Variants in MDGA2 observed in about 807,000 individuals in gnomAD.
MDGA2 encodes MAM domain-containing glycosylphosphatidylinositol anchor protein 2.
MDGA2 carries 40 observed loss-of-function variants against 117.8 expected under a neutral mutation model. The observed-to-expected ratio is 0.34, with a 90% CI of 0.26 to 0.44. The LOEUF (loss-of-function observed/expected upper bound fraction) is 0.44. Ranked by LOEUF, MDGA2 falls within the 20% of genes least tolerant of loss-of-function variation. The pLI is 1.00. For synonymous variants in MDGA2, 452 were observed against 439.0 expected (o/e 1.03, Z -0.37); for missense variants, 1,123 against 1,250.6 (o/e 0.90, Z 1.54).
chr14:47,207,135 T>C (rs1159661203), intron 3 of MDGA2, among the ~76,000 whole-genome samples: 1 of 151,956 alleles, frequency 6.6e-6, no homozygotes, highest in Non-Finnish European at 1.5e-5. Context: ...TGACATAAGG[T>C]GACCTCTACT....
chr14:47,441,730 T>C (rs1248783908), intron 1 of MDGA2, among the ~76,000 whole-genome samples: 1 of 152,106 alleles, frequency 6.6e-6, no homozygotes, highest in Non-Finnish European at 1.5e-5. Flanking sequence ...GTAGATAAAC[T>C]ACAGAAGTTA....
chr14:47,217,045 C>T (rs1886117451), intron 3 of MDGA2, among the ~76,000 whole-genome samples: 1 of 151,998 alleles, frequency 6.6e-6, no homozygotes, highest in Admixed American at 6.6e-5. Context: ...CTTTATCACC[C>T]ACTTCTCAGT....
intron 2 of MDGA2, among the ~76,000 whole-genome samples, chr14:47,297,192 A>C (rs2139797177): frequency 6.6e-6 from 1 of 152,246 alleles, no homozygotes; most frequent in Middle Eastern, 3.4e-3. Flanking sequence ...ACATGAACAT[A>C]AATAATTACA....
At chr14:47,258,176 T>G (rs1887683833) in intron 2 of MDGA2, among the ~76,000 whole-genome samples, 1 of 152,168 alleles carries the variant, frequency 6.6e-6, no homozygotes, top group African/African-American at 2.4e-5. Flanking sequence ...GAAAATCATT[T>G]ACTAATTATG....
At chr14:47,480,943 T>G (rs1225735107) in intron 1 of MDGA2, among the ~76,000 whole-genome samples, 1 of 151,950 alleles carries the variant, frequency 6.6e-6, no homozygotes, top group African/African-American at 2.4e-5. Context: ...ACCTTGCTAT[T>G]ATAATGGTAA....
At chr14:47,368,034 C>A (rs957340720) in intron 1 of MDGA2, among the ~76,000 whole-genome samples, 9 of 151,944 alleles carry the variant, frequency 5.9e-5, no homozygotes, top group Non-Finnish European at 1.3e-4. Context: ...AATCCCAGCA[C>A]TTTGGGAGGC....
At chr14:47,618,669 G>A (rs1041486352) in intron 1 of MDGA2, among the ~76,000 whole-genome samples, 5 of 151,942 alleles carry the variant, frequency 3.3e-5, no homozygotes, top group African/African-American at 1.2e-4. Context: ...TTTCTACAAT[G>A]TCTATTCTAG....
At chr14:47,173,167 G>C (rs1217732618) in intron 3 of MDGA2, among the ~76,000 whole-genome samples, 1 of 152,186 alleles carries the variant, frequency 6.6e-6, no homozygotes, top group Admixed American at 6.5e-5. Context: ...CCAAATCTAC[G>C]TCTGATTGGT....
At chr14:47,326,305 T>C (rs987177734) in intron 1 of MDGA2, among the ~76,000 whole-genome samples, 2 of 152,112 alleles carry the variant, frequency 1.3e-5, no homozygotes, top group Admixed American at 6.6e-5. Flanking sequence ...TCTATGCACT[T>C]TACTCATACC....
intron 6 of MDGA2, among the ~76,000 whole-genome samples, chr14:47,063,572 A>G (rs1374095878): frequency 6.6e-6 from 1 of 152,018 alleles, no homozygotes; most frequent in Non-Finnish European, 1.5e-5. Context: ...AAATCATATG[A>G]GTATAAAATA....
intron 7 of MDGA2, among the ~76,000 whole-genome samples, chr14:47,040,392 A>G (rs549572999): frequency 6.6e-6 from 1 of 152,290 alleles, no homozygotes; most frequent in African/African-American, 2.4e-5. Flanking sequence ...GCATAATAAC[A>G]TATTACAGGG....
intron 1 of MDGA2, among the ~76,000 whole-genome samples, chr14:47,570,676 A>G (rs955436205): frequency 2.6e-5 from 4 of 152,178 alleles, no homozygotes; most frequent in Admixed American, 1.3e-4. Context: ...TATTTAATAA[A>G]TGGTGTTGGG....
In MDGA2 at chr14:47,137,186, G is replaced by A. The variant is rs930642872; in HGVS notation, c.793-5340C>T. On this transcript the variant is annotated intron_variant, in intron 4 of 16. Transcript: ENST00000399232. The stretch of plus-strand genomic sequence containing the variant: ...ATTACAAAAGAGAATTTGTGCTACT[G>A]TTTGAGATGATTTCTATTCTTTAAA... 2.1e-4 allele frequency among the ~76,000 whole-genome samples: 32 copies of A among 152,280 alleles called. No individual in the cohort carries two copies. In the South Asian group the frequency reaches 6.0e-3, roughly 29 times the overall value.
At chr14:46,968,411 C>T (rs576673434) in intron 8 of MDGA2, among the ~76,000 whole-genome samples, 13 of 151,836 alleles carry the variant, frequency 8.6e-5, no homozygotes, top group Non-Finnish European at 1.6e-4. Context: ...ACTGGATGTC[C>T]GAGGCAGAGC....
intron 8 of MDGA2, among the ~76,000 whole-genome samples, chr14:46,964,919 CT>C (rs746778179): frequency 0.018 from 1,576 of 89,758 alleles, 7 homozygotes; most frequent in Middle Eastern, 0.052. Context: ...TATATATTTA[CT>C]TTTTTTTTTT....
intron 1 of MDGA2, among the ~76,000 whole-genome samples, chr14:47,361,419 T>A (rs1347815113): frequency 3.3e-5 from 5 of 152,104 alleles, no homozygotes; most frequent in African/African-American, 1.2e-4. Flanking sequence ...ATTTCTGATG[T>A]TGAAGCCATC....
At chr14:46,929,601 G>GTGTGTA (rs1398520996) in intron 9 of MDGA2, among the ~76,000 whole-genome samples, 5 of 12,678 alleles carry the variant, frequency 3.9e-4, no homozygotes, top group South Asian at 4.1e-3. Context: ...GTGTGTGTGT[G>GTGTGTA]TATATATATA....
intron 6 of MDGA2, among the ~76,000 whole-genome samples, chr14:47,086,137 G>C (rs1168191638): frequency 6.9e-6 from 1 of 144,468 alleles, no homozygotes; most frequent in South Asian, 2.2e-4. Flanking sequence ...TTTTTAAGCA[G>C]TCACTAATTC....
intron 5 of MDGA2, among the ~76,000 whole-genome samples, chr14:47,106,934 T>G (rs1880728246): frequency 7.9e-6 from 1 of 126,408 alleles, no homozygotes; most frequent in South Asian, 2.3e-4. Context: ...ACCTGCCCAG[T>G]TCCCTTATTA....
Sources: gnomAD v4.1 joint callset for allele counts (sites outside exome capture counted in the v4.1 genomes callset) on GRCh38, gnomAD v4.1.1 for gene constraint, MANE v1.5 for transcripts, NCBI Gene and HGNC (gene_info 2026-07-23, HGNC 2026-07-21) for gene names.